Variants in CFAP20 observed in about 807,000 individuals in gnomAD.
The protein encoded by CFAP20 is cilia- and flagella-associated protein 20.
CFAP20 carries 14 observed loss-of-function variants against 25.5 expected under a neutral mutation model. That is an observed-to-expected ratio of 0.55 (90% CI 0.36 to 0.86). CFAP20 has a LOEUF of 0.86. Ranked by LOEUF, CFAP20 falls within the 40% of genes least tolerant of loss-of-function variation. The probability of loss-of-function intolerance (pLI) is 0.01; values close to 1 mark genes in which losing one functional copy is unlikely to be tolerated. For synonymous variants in CFAP20, 75 were observed against 91.1 expected (o/e 0.82, Z 1.01); for missense variants, 181 against 248.0 (o/e 0.73, Z 1.81).
chr16:58,116,959 A>G lies in CFAP20; in HGVS notation c.85-8T>C. 3 of 1,613,104 alleles carry G rather than the reference A, an allele frequency of 1.9e-6. No homozygotes were observed. In the East Asian group the frequency reaches 6.7e-5, roughly 36 times the overall value. ...GATGTGGCCATTCCGTACCTACAAG[A>G]AAGAAAATTCGATTAGTACTGAAAT... On this transcript the variant is annotated splice_polypyrimidine_tract_variant and splice_region_variant and intron_variant, in intron 1 of 5. Coordinates refer to ENST00000262498, the MANE Select transcript of CFAP20 (RefSeq NM_013242.3).
rs780277837 is a variant in CFAP20 at position 58,113,794 on chromosome 16, C to T, written c.*231G>A. 1.9e-6 allele frequency: 1 copy of T among 536,794 alleles called. No homozygotes were observed. The highest frequency in any genetic ancestry group is 3.3e-6 in the Non-Finnish European group (1 of 298,680). The allele number at this position is 536,794 out of a possible 1,614,324, so 33.3% of individuals were successfully genotyped here. The stretch of plus-strand genomic sequence containing the variant: ...ACACTGGGGCAGGCGGCGGAATAAG[C>T]TCCAGCGTTCATGCGCCACTCACAG... On this transcript the variant is annotated 3_prime_UTR_variant, in exon 6 of 6. Transcript: ENST00000262498.
At chr16:58,114,961 G>A (rs745791297) in intron 4 of CFAP20, 41 bp from the exon 5 acceptor site, 66 of 1,518,488 alleles carry the variant, frequency 4.3e-5, no homozygotes, top group Non-Finnish European at 5.8e-5. Flanking sequence ...AAATGTGACT[G>A]TTCTCCCCCT....
Position 58,113,924 on chromosome 16 carries a change from A to G in CFAP20, c.*101T>C. 1.5e-6 allele frequency: 2 copies of G among 1,360,392 alleles called. No homozygotes were observed. The highest frequency in any genetic ancestry group is 2.3e-5 in the South Asian group (2 of 85,652). 84.3% of individuals were successfully genotyped at this position (1,360,392 alleles called of 1,614,324 possible). ...AGTATAAATAACAGAACTACAGCAGAGCAAACTAAGATAAATATGTTTTTG... is the reference window on the plus strand; with the variant it reads ...AGTATAAATAACAGAACTACAGCAGGGCAAACTAAGATAAATATGTTTTTG... On this transcript the variant is annotated 3_prime_UTR_variant, in exon 6 of 6. Transcript: ENST00000262498.
chr16:58,120,040 T>C (rs1960513445), intron 1 of CFAP20, among the ~76,000 whole-genome samples: 1 of 152,280 alleles, frequency 6.6e-6, no homozygotes, highest in Non-Finnish European at 1.5e-5. Context: ...CGCCATCTCA[T>C]GTTCCCAACC....
At chr16:58,115,195 T>G in intron 4 of CFAP20, 74 bp downstream of exon 4, 7 of 1,577,992 alleles carry the variant, frequency 4.4e-6, no homozygotes, top group Non-Finnish European at 6.1e-6. Context: ...TTCTGCTATG[T>G]GGGCCACAAG....
intron 1 of CFAP20, among the ~76,000 whole-genome samples, chr16:58,122,107 A>G (rs1206541258): frequency 1.3e-5 from 2 of 152,194 alleles, no homozygotes; most frequent in Non-Finnish European, 2.9e-5. Flanking sequence ...TGTGGGGAGA[A>G]CTGAGCATAG....
chr16:58,126,759 A>C (rs141289252), intron 1 of CFAP20, among the ~76,000 whole-genome samples: 3 of 152,300 alleles, frequency 2.0e-5, no homozygotes, highest in South Asian at 2.1e-4. Flanking sequence ...TCGCTCAATA[A>C]ATCTTTGATA....
chr16:58,116,827 TC>T, intron 2 of CFAP20, 44 bp downstream of exon 2: 1 of 1,550,534 alleles, frequency 6.4e-7, no homozygotes, highest in South Asian at 1.1e-5. Flanking sequence ...ACGTACTGCC[TC>T]CCTAGTATAT....
Position 58,115,707 on chromosome 16 carries a change from A to T in CFAP20, c.277-250T>A, listed in dbSNP as rs1960448884. 5 of 571,418 alleles carry T rather than the reference A, an allele frequency of 8.8e-6. No individual in the cohort carries two copies. The South Asian group carries it at 1.0e-4, about 12-fold the overall frequency. The allele number at this position is 571,418 out of a possible 1,614,324, so 35.4% of individuals were successfully genotyped here. Reference sequence around the variant, plus strand: ...CACAGTCAGCAGGCTCTCAGACCATAGAGTATATAAATGTTCTTCCTTTTG... The same window carrying T: ...CACAGTCAGCAGGCTCTCAGACCATTGAGTATATAAATGTTCTTCCTTTTG... On this transcript the variant is annotated intron_variant, in intron 3 of 5. Transcript: ENST00000262498.
chr16:58,120,073 A>G (rs1473745334), intron 1 of CFAP20, among the ~76,000 whole-genome samples: 1 of 152,188 alleles, frequency 6.6e-6, no homozygotes, highest in East Asian at 1.9e-4. Context: ...TTCCTCCTGT[A>G]TTTTCTGTGG....
At chr16:58,120,715 C>G (rs1461122232) in intron 1 of CFAP20, among the ~76,000 whole-genome samples, 1 of 152,142 alleles carries the variant, frequency 6.6e-6, no homozygotes, top group African/African-American at 2.4e-5. Context: ...AGATAACAAA[C>G]ACACTCACAA....
chr16:58,125,966 A>G (rs1006266522), intron 1 of CFAP20, among the ~76,000 whole-genome samples: 3 of 152,242 alleles, frequency 2.0e-5, no homozygotes, highest in Non-Finnish European at 4.4e-5. Flanking sequence ...CTGAAACGCC[A>G]TCATGTGGTG....
intron 1 of CFAP20, among the ~76,000 whole-genome samples, chr16:58,127,220 T>G (rs1229772814): frequency 6.6e-6 from 1 of 152,150 alleles, no homozygotes; most frequent in East Asian, 1.9e-4. Flanking sequence ...AAAGCCTCAT[T>G]TGAAAAATAA....
At chr16:58,120,621 T>C (rs1960522517) in intron 1 of CFAP20, among the ~76,000 whole-genome samples, 1 of 152,258 alleles carries the variant, frequency 6.6e-6, no homozygotes. Context: ...GTAGTATTCC[T>C]GCACTTCTGC....
intron 1 of CFAP20, among the ~76,000 whole-genome samples, chr16:58,128,555 C>A (rs780184428): frequency 6.6e-6 from 1 of 152,208 alleles, no homozygotes; most frequent in Non-Finnish European, 1.5e-5. Context: ...GTGTCTAGTG[C>A]CCAGCACCGT....
intron 5 of CFAP20, 92 bp from the exon 6 acceptor site, chr16:58,114,122 A>C: frequency 7.5e-7 from 1 of 1,329,984 alleles, no homozygotes; most frequent in South Asian, 1.2e-5. Flanking sequence ...GTGACACTTG[A>C]GTGGACAGTG....
At chr16:58,115,122 T>G in intron 4 of CFAP20, 147 bp downstream of exon 4, 1 of 1,202,432 alleles carries the variant, frequency 8.3e-7, no homozygotes, top group Non-Finnish European at 1.2e-6. Context: ...GAATATTTCC[T>G]GGACCTTTGT....
intron 3 of CFAP20, chr16:58,115,812 C>A (rs1960450250): frequency 2.0e-6 from 1 of 512,718 alleles, no homozygotes; most frequent in African/African-American, 1.9e-5. Context: ...CTAACTCTGA[C>A]ACTTTGAAAT....
chr16:58,114,224 G>C (rs560464246), intron 5 of CFAP20, among the ~76,000 whole-genome samples, 194 bp from the exon 6 acceptor site: 8 of 152,296 alleles, frequency 5.3e-5, no homozygotes, highest in African/African-American at 1.7e-4. Flanking sequence ...AATACTTTTG[G>C]GCTGATTAAG....
Sources: gnomAD v4.1 joint callset for allele counts (sites outside exome capture counted in the v4.1 genomes callset) on GRCh38, gnomAD v4.1.1 for gene constraint, MANE v1.5 for transcripts, NCBI Gene and HGNC (gene_info 2026-07-23, HGNC 2026-07-21) for gene names.